FAT3: variants seen among roughly 807,000 people sequenced by gnomAD.
The protein encoded by FAT3 is FAT atypical cadherin 3, also known as protocadherin Fat 3.
FAT3 carries 95 observed loss-of-function variants against 310.2 expected under a neutral mutation model. The observed-to-expected ratio is 0.31, with a 90% CI of 0.26 to 0.36. FAT3 has a LOEUF of 0.36. Ranked by LOEUF, FAT3 falls within the 10% of genes least tolerant of loss-of-function variation. The pLI, the probability that FAT3 is intolerant of heterozygous loss-of-function variation, is 1.00. For missense variants in FAT3, 5,408 were observed against 5,715.6 expected (o/e 0.95, Z 1.74); for synonymous variants, 2,314 against 2,192.9 (o/e 1.06, Z -1.54).
At chr11:92,258,986 G>C (rs751030935) in intron 1 of FAT3, among the ~76,000 whole-genome samples, 3 of 151,622 alleles carry the variant, frequency 2.0e-5, no homozygotes, top group Non-Finnish European at 2.9e-5. Context: ...AATTGGATAG[G>C]AAAGGAGGAA....
At chr11:92,242,828 A>G (rs1864720512) in intron 1 of FAT3, among the ~76,000 whole-genome samples, 1 of 152,024 alleles carries the variant, frequency 6.6e-6, no homozygotes, top group South Asian at 2.1e-4. Flanking sequence ...TTCAGTAACT[A>G]CTACTTAAGG....
chr11:92,710,389 A>G (rs1338903953), intron 4 of FAT3, among the ~76,000 whole-genome samples: 2 of 152,186 alleles, frequency 1.3e-5, no homozygotes, highest in African/African-American at 2.4e-5. Context: ...TAACTTTGGC[A>G]AAGTCTCAAC....
At chr11:92,276,664 C>T (rs886594798) in intron 1 of FAT3, among the ~76,000 whole-genome samples, 3 of 152,128 alleles carry the variant, frequency 2.0e-5, no homozygotes, top group Admixed American at 2.0e-4. Flanking sequence ...GTAGACATAG[C>T]ACAATCTGTA....
intron 2 of FAT3, among the ~76,000 whole-genome samples, chr11:92,500,336 A>T (rs935184502): frequency 1.3e-5 from 2 of 152,028 alleles, no homozygotes; most frequent in Non-Finnish European, 2.9e-5. Context: ...AAGTACTTTT[A>T]TGATCTATAA....
At chr11:92,282,966 A>G (rs192469584) in intron 1 of FAT3, among the ~76,000 whole-genome samples, 21 of 152,216 alleles carry the variant, frequency 1.4e-4, no homozygotes, top group Middle Eastern at 3.4e-3. Flanking sequence ...ATTTTGCTCT[A>G]TAGTAATCAT....
intron 2 of FAT3, among the ~76,000 whole-genome samples, chr11:92,510,993 C>T (rs968423235): frequency 4.6e-5 from 7 of 152,218 alleles, no homozygotes; most frequent in African/African-American, 1.2e-4. Context: ...CCATCTAGAG[C>T]GCCTTGCTGG....
chr11:92,455,766 G>C (rs1320260534), intron 2 of FAT3, among the ~76,000 whole-genome samples: 1 of 152,102 alleles, frequency 6.6e-6, no homozygotes, highest in Non-Finnish European at 1.5e-5. Flanking sequence ...TTATTTACAT[G>C]ATGGGAATAA....
intron 2 of FAT3, among the ~76,000 whole-genome samples, chr11:92,518,361 C>T (rs1030215724): frequency 6.6e-6 from 1 of 151,914 alleles, no homozygotes; most frequent in African/African-American, 2.4e-5. Flanking sequence ...CTGTCTTTTG[C>T]AGAGATAGGA....
intron 3 of FAT3, among the ~76,000 whole-genome samples, chr11:92,689,251 C>G (rs1276756520): frequency 1.3e-5 from 2 of 152,072 alleles, no homozygotes; most frequent in Non-Finnish European, 2.9e-5. Context: ...ACTAGATAAT[C>G]TCTAGGATTC....
chr11:92,390,986 G>A (rs950758905), intron 2 of FAT3, among the ~76,000 whole-genome samples: 1 of 152,296 alleles, frequency 6.6e-6, no homozygotes, highest in East Asian at 1.9e-4. Context: ...AGCCATCAAA[G>A]CTGTCTTTTG....
intron 1 of FAT3, among the ~76,000 whole-genome samples, chr11:92,321,480 AG>A (rs1947618437): frequency 6.6e-6 from 1 of 152,060 alleles, no homozygotes; most frequent in Admixed American, 6.5e-5. Flanking sequence ...TCTGTACTCT[AG>A]ATTATTAATT....
intron 2 of FAT3, among the ~76,000 whole-genome samples, chr11:92,446,463 A>T (rs1951211285): frequency 6.6e-6 from 1 of 152,146 alleles, no homozygotes. Context: ...GATACTTCAC[A>T]GATTGTTTTA....
chr11:92,229,514 G>GTTTTTTTTTTTTTTTT (rs1241053262), intron 1 of FAT3, among the ~76,000 whole-genome samples: 4 of 59,304 alleles, frequency 6.7e-5, no homozygotes, highest in Middle Eastern at 0.017. Flanking sequence ...TTTGTTTTTT[G>GTTTTTTTTTTTTTTTT]TTTTTTTTTA....
intron 1 of FAT3, among the ~76,000 whole-genome samples, chr11:92,241,640 C>T (rs1864672390): frequency 6.6e-6 from 1 of 151,946 alleles, no homozygotes; most frequent in Non-Finnish European, 1.5e-5. Context: ...GTGGAGGGGT[C>T]CAATTTTAAT....
At chr11:92,450,583 G>A (rs1951329777) in intron 2 of FAT3, among the ~76,000 whole-genome samples, 1 of 152,162 alleles carries the variant, frequency 6.6e-6, no homozygotes, top group Non-Finnish European at 1.5e-5. Context: ...TGTTTATGGA[G>A]GAGTGGGAGG....
chr11:92,890,609 G>T lies in FAT3; in HGVS notation c.13266G>T (p.Leu4422=). ...CACACCAGGGGAGCACACGGGAGCT[G>T]GAGAGCGATTACTACCTGGGTGGTT... ...GSAHQGSTRE[L]ESDYYLGGYD... is the part of the protein sequence containing the mutation. Residue 4422 remains leucine, a synonymous_variant, in exon 28 of 28, where the codon CTG becomes CTT. Transcript: ENST00000525166. 6.2e-7 allele frequency: 1 copy of T among 1,613,724 alleles called. No individual in the cohort carries two copies. The highest frequency in any genetic ancestry group is 8.5e-7 in the Non-Finnish European group (1 of 1,179,860).
chr11:92,439,096 T>A (rs527763523), intron 2 of FAT3, among the ~76,000 whole-genome samples: 2 of 152,334 alleles, frequency 1.3e-5, no homozygotes, highest in South Asian at 2.1e-4. Flanking sequence ...TGCAAAAGCA[T>A]CAAGAATTTC....
rs1943069802 is a variant in FAT3, at chr11:92,669,655, C to T, written c.3608-27729C>T. On this transcript the variant is annotated intron_variant, in intron 3 of 27. Transcript: ENST00000525166. Reference sequence around the variant, plus strand: ...TCTGGGTTAGGGTAAGAGGGGTTGGCCAGTATATCCAGAGGTGGGGTGGTA... The same window carrying T: ...TCTGGGTTAGGGTAAGAGGGGTTGGTCAGTATATCCAGAGGTGGGGTGGTA... 2.0e-5 allele frequency among the ~76,000 whole-genome samples: 3 copies of T among 152,068 alleles called. No individual in the cohort carries two copies. The South Asian group carries it at 6.2e-4, about 32-fold the overall frequency.
intron 3 of FAT3, among the ~76,000 whole-genome samples, chr11:92,664,262 G>A (rs571797569): frequency 6.6e-6 from 1 of 152,266 alleles, no homozygotes; most frequent in South Asian, 2.1e-4. Flanking sequence ...GACTAGTTTA[G>A]CATTACTAAT....
Sources: gnomAD v4.1 joint callset for allele counts (sites outside exome capture counted in the v4.1 genomes callset) on GRCh38, gnomAD v4.1.1 for gene constraint, MANE v1.5 for transcripts, NCBI Gene and HGNC (gene_info 2026-07-23, HGNC 2026-07-21) for gene names.